The following KIF2A variants were observed in gnomAD, a reference collection of about 807,000 sequenced individuals.
KIF2A encodes the protein kinesin-like protein KIF2A.
In KIF2A, 22 loss-of-function variants were observed where a neutral mutation model predicts 100.2. The ratio of observed to expected loss-of-function variants is 0.22; its 90% CI spans 0.16 to 0.31. KIF2A has a LOEUF of 0.31. Among genes scored for constraint, KIF2A ranks in the 10% least tolerant of loss-of-function variants. The pLI, the probability that KIF2A is intolerant of heterozygous loss-of-function variation, is 1.00. For synonymous variants in KIF2A, 268 were observed against 285.9 expected (o/e 0.94, Z 0.63); for missense variants, 495 against 898.7 (o/e 0.55, Z 5.74).
intron 4 of KIF2A, among the ~76,000 whole-genome samples, chr5:62,352,172 A>G (rs1221078960): frequency 1.4e-5 from 2 of 146,476 alleles, no homozygotes; most frequent in Non-Finnish European, 3.0e-5. Context: ...AAAAAAAATT[A>G]TATTTTACAC....
At position 62,389,157 on chromosome 5, in the gene KIF2A, T is replaced by A; in HGVS notation, c.*3588T>A. The A allele has an allele frequency of 1.0e-6, 1 of 977,814 alleles. No individual in the cohort carries two copies. The highest frequency in any genetic ancestry group is 1.5e-6 in the Non-Finnish European group (1 of 651,452). The allele number at this position is 977,814 out of a possible 1,614,324, so 60.6% of individuals were successfully genotyped here. ...TACTAAAACATGAATACAGCATGCT[T>A]ACAGAGCCCACCCACTCCTAATACT... On this transcript the variant is annotated 3_prime_UTR_variant, in exon 21 of 21. Transcript: ENST00000407818.
chr5:62,377,772 G>A lies in KIF2A; in HGVS notation c.2013+10G>A, dbSNP rs1204587744. 1 of 1,346,508 alleles carries A rather than the reference G, an allele frequency of 7.4e-7. No individual in the cohort carries two copies. The highest frequency in any genetic ancestry group is 1.0e-6 in the Non-Finnish European group (1 of 974,202). The allele number at this position is 1,346,508 out of a possible 1,614,324, so 83.4% of individuals were successfully genotyped here. ...CAGGGCAGTGTTCCAGGTAAAGTAA[G>A]ACAGGACTTTCCTTCAAAATATTTC... On this transcript the variant is annotated intron_variant, in intron 19 of 20. Transcript: ENST00000407818.
chr5:62,372,505 CT>C lies in KIF2A; in HGVS notation c.1715del (p.Leu572ProfsTer20). 1 of 1,612,578 alleles carries C rather than the reference CT, an allele frequency of 6.2e-7. No homozygotes were observed. The highest frequency in any genetic ancestry group is 8.5e-7 in the Non-Finnish European group (1 of 1,178,840). On this transcript the variant is annotated frameshift_variant, in exon 17 of 21. Transcript: ENST00000407818. LOFTEE classifies it high-confidence loss of function. ...FSQGSGSRPDLSPSYEYDDFS... is the reference protein window; with the variant it reads ...FSQGSGSRPDXSPSYEYDDFS... ...ACAGGGTAGTGGCAGTCGCCCTGAT[CT>C]CTCTCCTTCTTATGAATATGACGAC... is the stretch of plus-strand genomic sequence containing the variant.
intron 1 of KIF2A, among the ~76,000 whole-genome samples, chr5:62,324,642 A>G (rs1746272642): frequency 6.6e-6 from 1 of 152,222 alleles, no homozygotes; most frequent in Non-Finnish European, 1.5e-5. Context: ...GGTGCTGGGG[A>G]AACTGGGTAG....
intron 1 of KIF2A, among the ~76,000 whole-genome samples, chr5:62,340,784 TAAAG>T (rs1299402044): frequency 1.3e-5 from 2 of 152,066 alleles, no homozygotes; most frequent in African/African-American, 4.8e-5. Context: ...ATGTCTTTGT[TAAAG>T]AAAAAAATTA....
chr5:62,345,817 C>A (rs181493787), intron 1 of KIF2A, among the ~76,000 whole-genome samples: 1 of 151,948 alleles, frequency 6.6e-6, no homozygotes, highest in Admixed American at 6.6e-5. Flanking sequence ...TATAGATGCC[C>A]CCAAGGATTT....
intron 1 of KIF2A, among the ~76,000 whole-genome samples, chr5:62,326,884 C>G (rs911484379): frequency 2.0e-5 from 3 of 152,050 alleles, no homozygotes; most frequent in Admixed American, 2.0e-4. Context: ...GTGGTCCTAC[C>G]TACTGAGGAG....
Position 62,306,503 on chromosome 5 carries a change from A to G in KIF2A, c.31A>G (p.Ile11Val), listed in dbSNP as rs1745281105. 6.5e-7 allele frequency: 1 copy of G among 1,546,070 alleles called. No individual in the cohort carries two copies. Among genetic ancestry groups the G allele is most frequent in the Admixed American group, 2.0e-5 (1 of 50,602 alleles). The change falls in exon 1 of 21, where the codon ATC becomes GTC. Residue 11 changes from isoleucine (I) to valine (V), a missense_variant. Around this residue, in one of 10 missense-constraint regions of KIF2A, gnomAD observed 26 missense variants for 16.4 expected, o/e 1.59. Transcript: ENST00000407818. ...AACGGCCAACTTCGGCAAGATCCAG[A>G]TCGGGATTTACGTGGAGATCAAGCG... MATANFGKIQ[I>V]GIYVEIKRSD...
chr5:62,316,985 G>A (rs1384663765), intron 1 of KIF2A, among the ~76,000 whole-genome samples: 1 of 151,564 alleles, frequency 6.6e-6, no homozygotes, highest in Non-Finnish European at 1.5e-5. Context: ...GCCAATGTTA[G>A]AAGAAAAATT....
intron 1 of KIF2A, among the ~76,000 whole-genome samples, chr5:62,340,856 A>G (rs987642974): frequency 6.6e-6 from 1 of 152,164 alleles, no homozygotes; most frequent in Non-Finnish European, 1.5e-5. Flanking sequence ...GTATTTGAGT[A>G]GCTCAATGAA....
At chr5:62,335,533 C>G (rs753163800) in intron 1 of KIF2A, among the ~76,000 whole-genome samples, 7 of 152,190 alleles carry the variant, frequency 4.6e-5, no homozygotes, top group Non-Finnish European at 8.8e-5. Context: ...CCTGGAGGAG[C>G]TCAAGGGAGG....
chr5:62,330,350 GA>G (rs201979085), intron 1 of KIF2A, among the ~76,000 whole-genome samples: 2 of 151,486 alleles, frequency 1.3e-5, no homozygotes, highest in East Asian at 3.9e-4. Context: ...AAAAGAAAGA[GA>G]AAAAAAAGAA....
chr5:62,363,068 T>G, intron 12 of KIF2A, 110 bp from the exon 13 acceptor site: 1 of 829,090 alleles, frequency 1.2e-6, no homozygotes, highest in Non-Finnish European at 1.8e-6. Flanking sequence ...GCTCAAGCCA[T>G]CCTCCTGCCT....
intron 16 of KIF2A, among the ~76,000 whole-genome samples, chr5:62,368,512 TAC>T (rs1032438112): frequency 9.2e-5 from 14 of 152,126 alleles, no homozygotes; most frequent in Non-Finnish European, 2.1e-4. Context: ...CGCGGTGGCT[TAC>T]ACCTTTAATC....
chr5:62,339,456 C>A (rs1047682533), intron 1 of KIF2A, among the ~76,000 whole-genome samples: 1 of 147,026 alleles, frequency 6.8e-6, no homozygotes, highest in African/African-American at 2.5e-5. Context: ...AACTATCACA[C>A]AGCCACTATC....
At position 62,354,869 on chromosome 5, in the gene KIF2A, T is replaced by G. The variant is rs193112877; in HGVS notation, c.559-290T>G. ...ATAATTAAGGTATATGTATAACAGATGGATTTTTGAAATAGGTGAAGGGTA... is the reference window on the plus strand; with the variant it reads ...ATAATTAAGGTATATGTATAACAGAGGGATTTTTGAAATAGGTGAAGGGTA... On this transcript the variant is annotated intron_variant, in intron 6 of 20. Transcript: ENST00000407818. 1.5e-3 allele frequency among the ~76,000 whole-genome samples: 234 copies of G among 152,244 alleles called. 1 individual carries two copies. The highest frequency in any genetic ancestry group is 5.5e-3 in the African/African-American group (227 of 41,556).
intron 20 of KIF2A, among the ~76,000 whole-genome samples, chr5:62,383,328 C>T (rs1478240782): frequency 1.4e-5 from 2 of 148,068 alleles, no homozygotes; most frequent in African/African-American, 2.5e-5. Context: ...GTGAAAGCTC[C>T]GCCTCCCAGG....
intron 1 of KIF2A, among the ~76,000 whole-genome samples, chr5:62,323,223 T>C (rs1193237049): frequency 6.8e-6 from 1 of 146,972 alleles, no homozygotes; most frequent in East Asian, 2.0e-4. Flanking sequence ...GCCATTGCAC[T>C]CCAGCCTGGG....
chr5:62,362,915 C>T (rs1163889152), intron 12 of KIF2A, among the ~76,000 whole-genome samples: 1 of 152,186 alleles, frequency 6.6e-6, no homozygotes, highest in Non-Finnish European at 1.5e-5. Context: ...TAGCTTCAAT[C>T]TCCTGAGCTC....
Sources: allele counts gnomAD v4.1 joint callset (sites outside exome capture counted in the v4.1 genomes callset), GRCh38; gene constraint gnomAD v4.1.1; regional missense constraint gnomAD v4.1.1; transcripts MANE v1.5; gene names NCBI Gene and HGNC (gene_info 2026-07-23, HGNC 2026-07-21).